The following IQCH variants were observed in gnomAD, a reference collection of about 807,000 sequenced individuals.
IQCH encodes the protein IQ domain-containing protein H.
Under a neutral mutation model 117.0 loss-of-function variants are expected in IQCH, and 98 were observed. The ratio of observed to expected loss-of-function variants is 0.84; its 90% CI spans 0.71 to 0.99. IQCH has a LOEUF of 0.99. Ranked by LOEUF, IQCH falls within the 50% of genes least tolerant of loss-of-function variation. The pLI is 0.00. For missense variants in IQCH, 1,102 were observed against 1,243.8 expected, an observed-to-expected ratio of 0.89 and a Z score of 1.72; for synonymous variants, 412 against 448.2, an observed-to-expected ratio of 0.92 and a Z score of 1.02.
intron 6 of IQCH, among the ~76,000 whole-genome samples, chr15:67,353,803 A>C (rs1029232042): frequency 6.6e-6 from 1 of 152,248 alleles, no homozygotes; most frequent in African/African-American, 2.4e-5. Context: ...AAAAAATCAT[A>C]GTATGGTAAC....
intron 6 of IQCH, among the ~76,000 whole-genome samples, chr15:67,352,323 A>G (rs1464303565): frequency 1.3e-5 from 2 of 152,096 alleles, no homozygotes; most frequent in Non-Finnish European, 2.9e-5. Context: ...AAAAAAACCC[A>G]CAAGACATTA....
rs533036752 is a variant in IQCH at position 67,364,181 on chromosome 15, A to G, written c.753+4296A>G. 6.6e-6 allele frequency among the ~76,000 whole-genome samples: 1 copy of G among 152,342 alleles called. No individual in the cohort carries two copies. The highest frequency in any genetic ancestry group is 2.1e-4 in the South Asian group (1 of 4,820). ...TAATTTACATTCCCACTGGCAGTGT[A>G]TAAGCATTCCCTTTTCTCTGCAACC... is the stretch of plus-strand genomic sequence containing the variant. On this transcript the variant is annotated intron_variant, in intron 8 of 20. Transcript: ENST00000335894. The surrounding 1 kb of genome is among the most constrained non-coding windows in gnomAD (Gnocchi z 4.1).
intron 4 of IQCH, among the ~76,000 whole-genome samples, chr15:67,312,192 C>G (rs2140564037): frequency 6.6e-6 from 1 of 152,156 alleles, no homozygotes; most frequent in Non-Finnish European, 1.5e-5. Flanking sequence ...GTTTAGGGTA[C>G]AGGGGTCCAT....
At chr15:67,306,834 C>T (rs1393475665) in intron 4 of IQCH, 2 of 1,533,274 alleles carry the variant, frequency 1.3e-6, no homozygotes, top group Non-Finnish European at 1.7e-6. Flanking sequence ...AGTAGGTCCT[C>T]AAAGGTATGT....
Position 67,465,922 on chromosome 15 carries a change from T to G in IQCH, c.2676+625T>G, listed in dbSNP as rs1275044325. On this transcript the variant is annotated intron_variant, in intron 17 of 20. Transcript: ENST00000335894. The surrounding 1 kb of genome is among the most constrained non-coding windows in gnomAD (Gnocchi z 5.9). ...CACCTGTATTCCTCCTAAGATTCCC[T>G]GTCCCTGCCTGTGCCCTCAGCCTAA... is the stretch of plus-strand genomic sequence containing the variant. Among the ~76,000 whole-genome samples, 2 of 152,208 alleles carry G rather than the reference T, an allele frequency of 1.3e-5. No individual in the cohort carries two copies. The highest frequency in any genetic ancestry group is 2.9e-5 in the Non-Finnish European group (2 of 68,034).
Position 67,475,816 on chromosome 15 carries a change from G to A in IQCH, c.2797G>A (p.Glu933Lys), listed in dbSNP as rs753235766. 3.1e-6 allele frequency: 5 copies of A among 1,613,838 alleles called. No homozygotes were observed. The South Asian group carries it at 5.5e-5, about 18-fold the overall frequency. ...GGCCCATGGCATTGGCTATGATGTT[G>A]AGGTATGAAGGGTTACAGTTGGCCA... is the stretch of plus-strand genomic sequence containing the variant. Reference protein sequence around the residue: ...CRAHGIGYDVEERQGTVFILY... With the variant: ...CRAHGIGYDVKERQGTVFILY... The change falls in exon 18 of 21, where the codon GAG (glutamate) becomes AAG (lysine). Residue 933 changes from glutamate to lysine, a missense_variant and splice_region_variant. Transcript: ENST00000335894. The surrounding 1 kb of genome is among the most constrained non-coding windows in gnomAD (Gnocchi z 5.7).
rs1453596491 is a variant in IQCH at position 67,494,383 on chromosome 15, C to G, written c.2970+17C>G. 1 of 1,538,500 alleles carries G rather than the reference C, an allele frequency of 6.5e-7. No individual in the cohort carries two copies. Among genetic ancestry groups the G allele is most frequent in the Admixed American group, 1.7e-5 (1 of 58,150 alleles). The stretch of plus-strand genomic sequence containing the variant: ...AATTTTAAGGTGAGGTGTTAATTAA[C>G]TAACGATTCTGGTTAATTTCTATAC... On this transcript the variant is annotated intron_variant, in intron 20 of 20. Transcript: ENST00000335894. This position sits in a 1 kb window ranked among gnomAD's most constrained non-coding sequence, Gnocchi z 5.5.
Position 67,300,439 on chromosome 15 carries a change from C to T in IQCH, c.387+20927C>T, listed in dbSNP as rs191064606. Reference sequence around the variant, plus strand: ...CTAGATCATACAGCTCAAATCAGGACTTGACGTCTATTGTTCTTCATATTA... The same window carrying T: ...CTAGATCATACAGCTCAAATCAGGATTTGACGTCTATTGTTCTTCATATTA... On this transcript the variant is annotated intron_variant, in intron 4 of 20. Coordinates refer to ENST00000335894, the MANE Select transcript of IQCH (RefSeq NM_001031715.3). 2.9e-4 allele frequency among the ~76,000 whole-genome samples: 44 copies of T among 152,280 alleles called. 1 individual carries two copies. In the East Asian group the frequency reaches 7.9e-3, roughly 27 times the overall value.
In IQCH at chr15:67,369,506, G is replaced by A. The variant is rs1307497315; in HGVS notation, c.754-2605G>A. Among the ~76,000 whole-genome samples the A allele has an allele frequency of 6.7e-6, 1 of 150,274 alleles. No homozygotes were observed. Among genetic ancestry groups the A allele is most frequent in the East Asian group, 2.0e-4 (1 of 5,118 alleles). Reference sequence around the variant, plus strand: ...GGAAGGAAGAGAAAAAGAAAAAAGAGAAAGAAGAGAGGGAAGGGGAAAGAA... The same window carrying A: ...GGAAGGAAGAGAAAAAGAAAAAAGAAAAAGAAGAGAGGGAAGGGGAAAGAA... On this transcript the variant is annotated intron_variant, in intron 8 of 20. Transcript: ENST00000335894. The surrounding 1 kb of genome is among the most constrained non-coding windows in gnomAD (Gnocchi z 5.2).
Position 67,359,816 on chromosome 15 carries a change from G to A in IQCH, c.715-31G>A. 1 of 1,196,636 alleles carries A rather than the reference G, an allele frequency of 8.4e-7. No individual in the cohort carries two copies. Among genetic ancestry groups the A allele is most frequent in the South Asian group, 1.2e-5 (1 of 83,156 alleles). The allele number at this position is 1,196,636 out of a possible 1,614,324, so 74.1% of individuals were successfully genotyped here. A position where few individuals can be genotyped will look rare whatever the true frequency, so the allele number is the denominator to read the frequency against. ...TAAAATTGCCCATGAGAGTCGTTTT[G>A]ATTTAAACTGTGTCTCATTCTTCAT... On this transcript the variant is annotated intron_variant, in intron 7 of 20. Transcript: ENST00000335894. This position sits in a 1 kb window ranked among gnomAD's most constrained non-coding sequence, Gnocchi z 4.5.
In IQCH at chr15:67,493,707, G is replaced by A. The variant is rs1471658471; in HGVS notation, c.2862-551G>A. On this transcript the variant is annotated intron_variant, in intron 19 of 20. Coordinates refer to ENST00000335894, the MANE Select transcript of IQCH (RefSeq NM_001031715.3). This position sits in a 1 kb window ranked among gnomAD's most constrained non-coding sequence, Gnocchi z 5.1. The stretch of plus-strand genomic sequence containing the variant: ...AAGTTATAGGGTACATGTGCACAAC[G>A]TGCAGGTTTGTTACATATGTATCCA... Among the ~76,000 whole-genome samples the A allele has an allele frequency of 1.3e-5, 2 of 152,018 alleles. No homozygotes were observed. Among genetic ancestry groups the A allele is most frequent in the Non-Finnish European group, 1.5e-5 (1 of 68,012 alleles).
chr15:67,321,986 G>A lies in IQCH; in HGVS notation c.388-14989G>A, dbSNP rs1020843422. On this transcript the variant is annotated intron_variant, in intron 4 of 20. Coordinates refer to ENST00000335894, the MANE Select transcript of IQCH (RefSeq NM_001031715.3). ...TCTATAAATGTTAGGCCCAGGTAGC[G>A]GATGATGATTTTCAGCACATACTGA... 1.7e-4 allele frequency among the ~76,000 whole-genome samples: 26 copies of A among 152,246 alleles called. No individual in the cohort carries two copies. The East Asian group carries it at 4.2e-3, about 25-fold the overall frequency.
intron 16 of IQCH, among the ~76,000 whole-genome samples, chr15:67,449,440 T>G (rs1357135718): frequency 6.6e-6 from 1 of 152,188 alleles, no homozygotes; most frequent in Non-Finnish European, 1.5e-5. Flanking sequence ...GCTTTCTACA[T>G]ATGGCTAGCC....
chr15:67,301,978 C>G (rs1056142039), intron 4 of IQCH, among the ~76,000 whole-genome samples: 12 of 152,116 alleles, frequency 7.9e-5, no homozygotes, highest in African/African-American at 2.6e-4. Context: ...ATGTGTAGTG[C>G]TACAGAATTT....
At chr15:67,444,363 C>A (rs2082346865) in intron 16 of IQCH, among the ~76,000 whole-genome samples, 1 of 152,124 alleles carries the variant, frequency 6.6e-6, no homozygotes, top group Admixed American at 6.6e-5. Context: ...TGCCATTAAG[C>A]CAGAAGGTGG....
At chr15:67,327,798 A>T (rs574164458) in intron 4 of IQCH, among the ~76,000 whole-genome samples, 1 of 152,304 alleles carries the variant, frequency 6.6e-6, no homozygotes, top group Non-Finnish European at 1.5e-5. Context: ...TTTCAGATAC[A>T]TGGAGCTCAG....
intron 4 of IQCH, chr15:67,281,593 C>T (rs1270841910): frequency 4.9e-6 from 2 of 410,038 alleles, no homozygotes; most frequent in Non-Finnish European, 9.7e-6. Context: ...TCTTTTCAGT[C>T]GTTTAAAGGT....
At chr15:67,498,904 C>A (rs1289438164) in intron 20 of IQCH, among the ~76,000 whole-genome samples, 1 of 152,114 alleles carries the variant, frequency 6.6e-6, no homozygotes, top group African/African-American at 2.4e-5. Flanking sequence ...ATAGTATTCA[C>A]AATATACAAA....
chr15:67,416,811 C>A lies in IQCH; in HGVS notation c.2098-120C>A. On this transcript the variant is annotated intron_variant, in intron 14 of 20. Transcript: ENST00000335894. The surrounding 1 kb of genome is among the most constrained non-coding windows in gnomAD (Gnocchi z 5.1). ...ACATTTTCAAAATGGCTTTCTGACT[C>A]TGGGTAAACAGTAACCACATTTTTT... is the stretch of plus-strand genomic sequence containing the variant. The A allele has an allele frequency of 1.5e-6, 1 of 681,792 alleles. No homozygotes were observed. The highest frequency in any genetic ancestry group is 2.2e-6 in the Non-Finnish European group (1 of 460,378). 42.2% of individuals were successfully genotyped at this position (681,792 alleles called of 1,614,324 possible). A position where few individuals can be genotyped will look rare whatever the true frequency, so the allele number is the denominator to read the frequency against.
Sources: allele counts gnomAD v4.1 joint callset (sites outside exome capture counted in the v4.1 genomes callset), GRCh38; gene constraint gnomAD v4.1.1; non-coding constraint Gnocchi (gnomAD v3.1); transcripts MANE v1.5; gene names NCBI Gene and HGNC (gene_info 2026-07-23, HGNC 2026-07-21).